Variants in CSMD1 observed in about 807,000 individuals in gnomAD.
CSMD1 encodes the protein CUB and Sushi multiple domains 1.
CSMD1 carries 213 observed loss-of-function variants against 417.5 expected under a neutral mutation model. The observed-to-expected ratio is 0.51, with a 90% CI of 0.46 to 0.57. CSMD1 has a LOEUF of 0.57. Among genes scored for constraint, CSMD1 ranks in the 20% least tolerant of loss-of-function variants. The probability of loss-of-function intolerance (pLI) is 0.00; values close to 1 mark genes in which losing one functional copy is unlikely to be tolerated. For missense variants in CSMD1, 6,923 were observed against 4,529.7 expected (o/e 1.53, Z -15.17); for synonymous variants, 2,862 against 1,736.8 (o/e 1.65, Z -16.11).
intron 3 of CSMD1, among the ~76,000 whole-genome samples, chr8:4,228,640 T>C (rs1028183006): frequency 1.3e-5 from 2 of 150,568 alleles, no homozygotes; most frequent in African/African-American, 4.9e-5. Context: ...TTTTCCAGTC[T>C]CACCCATTTG....
chr8:3,381,241 C>G (rs1207761178), intron 18 of CSMD1, among the ~76,000 whole-genome samples: 2 of 151,484 alleles, frequency 1.3e-5, no homozygotes, highest in South Asian at 4.2e-4. Context: ...AGCCCCATGT[C>G]GGTACCTGTT....
intron 3 of CSMD1, among the ~76,000 whole-genome samples, chr8:4,226,733 A>C (rs1315048577): frequency 3.9e-5 from 6 of 152,210 alleles, no homozygotes; most frequent in African/African-American, 7.2e-5. Flanking sequence ...AGTTTTTAAT[A>C]ATCAGTTAAC....
At chr8:4,105,310 G>C (rs1465251603) in intron 3 of CSMD1, among the ~76,000 whole-genome samples, 1 of 150,794 alleles carries the variant, frequency 6.6e-6, no homozygotes, top group African/African-American at 2.4e-5. Context: ...CATTGCTTTA[G>C]TGATCTTAAT....
chr8:4,663,614 A>G (rs1165284516), intron 1 of CSMD1, among the ~76,000 whole-genome samples: 1 of 152,146 alleles, frequency 6.6e-6, no homozygotes, highest in Non-Finnish European at 1.5e-5. Context: ...CCAGCCAAGG[A>G]AGACATGCCT....
chr8:3,918,913 C>T (rs1383910870), intron 5 of CSMD1, among the ~76,000 whole-genome samples: 2 of 147,562 alleles, frequency 1.4e-5, no homozygotes, highest in South Asian at 2.2e-4. Context: ...TAAAAGACTA[C>T]AAACTGGGTT....
chr8:3,602,435 G>T lies in CSMD1; in HGVS notation c.1097+14275C>A, dbSNP rs533678041. On this transcript the variant is annotated intron_variant, in intron 8 of 69. Coordinates refer to ENST00000635120, the MANE Select transcript of CSMD1 (RefSeq NM_033225.6). Reference sequence around the variant, plus strand: ...GGAATTAGAAAAATTAGGGAGCAGGGGGAATGGCCCCAAAATCAATGCACT... The same window carrying T: ...GGAATTAGAAAAATTAGGGAGCAGGTGGAATGGCCCCAAAATCAATGCACT... Among the ~76,000 whole-genome samples, 407 of 152,210 alleles carry T rather than the reference G, an allele frequency of 2.7e-3. 1 individual carries two copies. Among genetic ancestry groups the T allele is most frequent in the Non-Finnish European group, 4.9e-3 (330 of 68,018 alleles).
chr8:3,779,949 A>G (rs1401391862), intron 5 of CSMD1, among the ~76,000 whole-genome samples: 1 of 152,216 alleles, frequency 6.6e-6, no homozygotes, highest in African/African-American at 2.4e-5. Context: ...AATTGCTGAA[A>G]ACTAAGAAAG....
intron 3 of CSMD1, among the ~76,000 whole-genome samples, chr8:4,259,149 C>G (rs146503901): frequency 6.6e-6 from 1 of 152,200 alleles, no homozygotes; most frequent in Non-Finnish European, 1.5e-5. Flanking sequence ...TACCTCCAAA[C>G]TATCTCACAC....
chr8:4,161,613 C>G (rs1029338867), intron 3 of CSMD1, among the ~76,000 whole-genome samples: 3 of 152,100 alleles, frequency 2.0e-5, no homozygotes, highest in Admixed American at 6.6e-5. Flanking sequence ...TGTTAAAAAT[C>G]TAAATTTAAA....
chr8:3,154,546 C>T (rs1346045434), intron 39 of CSMD1, among the ~76,000 whole-genome samples: 1 of 151,936 alleles, frequency 6.6e-6, no homozygotes, highest in Non-Finnish European at 1.5e-5. Flanking sequence ...TTGGTTTTGG[C>T]GGGAGAAAGA....
intron 10 of CSMD1, among the ~76,000 whole-genome samples, chr8:3,552,087 C>A (rs924800618): frequency 6.6e-6 from 1 of 152,160 alleles, no homozygotes; most frequent in African/African-American, 2.4e-5. Flanking sequence ...TGGTAAAATT[C>A]TTTGAACAAT....
intron 12 of CSMD1, among the ~76,000 whole-genome samples, chr8:3,415,150 G>A (rs975563837): frequency 6.6e-6 from 1 of 152,052 alleles, no homozygotes. Flanking sequence ...AATTTAAATT[G>A]TATATATTGT....
intron 5 of CSMD1, among the ~76,000 whole-genome samples, chr8:3,880,571 G>T (rs190162385): frequency 6.6e-6 from 1 of 152,146 alleles, no homozygotes; most frequent in Non-Finnish European, 1.5e-5. Context: ...TGAATAGCCA[G>T]TTATCTTCCA....
intron 2 of CSMD1, among the ~76,000 whole-genome samples, chr8:4,542,018 T>C (rs760168163): frequency 1.8e-4 from 28 of 152,206 alleles, no homozygotes; most frequent in Admixed American, 7.2e-4. Flanking sequence ...CTGTTGCCAA[T>C]TGAAGCAAAT....
intron 5 of CSMD1, among the ~76,000 whole-genome samples, chr8:3,890,363 G>A (rs1006425324): frequency 6.6e-6 from 1 of 152,062 alleles, no homozygotes; most frequent in Non-Finnish European, 1.5e-5. Flanking sequence ...TTTACTACTT[G>A]GTAGGTATTT....
intron 10 of CSMD1, among the ~76,000 whole-genome samples, chr8:3,519,335 A>AATTTATCTG (rs1407628391): frequency 1.3e-5 from 2 of 152,148 alleles, no homozygotes; most frequent in East Asian, 3.9e-4. Flanking sequence ...CCCAAATAAA[A>AATTTATCTG]ATTTATCTGC....
intron 5 of CSMD1, among the ~76,000 whole-genome samples, chr8:3,901,352 C>G (rs1047962785): frequency 1.3e-5 from 2 of 152,114 alleles, no homozygotes; most frequent in African/African-American, 4.8e-5. Context: ...TAATTTTTTT[C>G]AAAGTGTGTT....
chr8:4,994,600 T>C lies in CSMD1; in HGVS notation c.-184A>G. On this transcript the variant is annotated 5_prime_UTR_variant, in exon 1 of 70. It removes an upstream start codon present in the reference 5' UTR. Coordinates refer to ENST00000635120, the MANE Select transcript of CSMD1 (RefSeq NM_033225.6). ...CCCGGCTCGCTTCCCTCTCATAGCA[T>C]CGGGTCCCGAGCCACTGCAGGGCTG... is the stretch of plus-strand genomic sequence containing the variant. The C allele has an allele frequency of 1.7e-6, 1 of 605,112 alleles. No individual in the cohort carries two copies. Among genetic ancestry groups the C allele is most frequent in the East Asian group, 2.9e-5 (1 of 35,016 alleles). The allele number at this position is 605,112 out of a possible 1,614,324, so 37.5% of individuals were successfully genotyped here.
chr8:3,569,816 C>T (rs917469677), intron 10 of CSMD1, among the ~76,000 whole-genome samples: 4 of 152,082 alleles, frequency 2.6e-5, no homozygotes, highest in African/African-American at 9.7e-5. Context: ...CTTCAGGTGT[C>T]TAAGTGGTGC....
Sources: gnomAD v4.1 joint callset for allele counts (sites outside exome capture counted in the v4.1 genomes callset) on GRCh38, gnomAD v4.1.1 for gene constraint, MANE v1.5 for transcripts, NCBI Gene and HGNC (gene_info 2026-07-23, HGNC 2026-07-21) for gene names.